Variants in IQGAP3 observed in about 807,000 individuals in gnomAD.
The protein encoded by IQGAP3 is IQ motif containing GTPase activating protein 3.
In IQGAP3, 165 loss-of-function variants were observed where a neutral mutation model predicts 208.2. The ratio of observed to expected loss-of-function variants is 0.79; its 90% confidence interval spans 0.70 to 0.90. The LOEUF (loss-of-function observed/expected upper bound fraction) is 0.90, where lower values mean the gene tolerates loss of function less well. IQGAP3 is among the 40% of genes least tolerant of loss of function. The pLI is 0.00. For missense variants in IQGAP3, 1,811 were observed against 2,043.1 expected (o/e 0.89, Z 2.19); for synonymous variants, 703 against 803.6 (o/e 0.87, Z 2.12).
At chr1:156,530,566 G>C (rs732362) in intron 33 of IQGAP3, among the ~76,000 whole-genome samples, 45,218 of 152,050 alleles carry the variant, frequency 0.3, 8,020 homozygotes, top group East Asian at 0.56. Context: ...TCACCACAGG[G>C]GAAGAGTGGC....
At position 156,563,260 on chromosome 1, in the gene IQGAP3, C is replaced by T. The variant is rs1676242543; in HGVS notation, c.672G>A (p.Glu224=). 5 of 1,611,878 alleles carry T rather than the reference C, an allele frequency of 3.1e-6. No homozygotes were observed. In the South Asian group the frequency reaches 4.4e-5, roughly 14 times the overall value. ...INEAVERGVV[E]DTLAALQNPS... The stretch of plus-strand genomic sequence containing the variant: ...GATTCTGCAAGGCAGCCAGGGTGTC[C>T]TCCACCACCCCTCGCTCCACTGCTT... The change falls in exon 8 of 38, where the codon GAG becomes GAA. Residue 224 remains glutamate, a synonymous_variant. Coordinates refer to ENST00000361170, the MANE Select transcript of IQGAP3 (RefSeq NM_178229.5).
chr1:156,552,876 C>A (rs1384036065), intron 13 of IQGAP3, among the ~76,000 whole-genome samples: 1 of 152,174 alleles, frequency 6.6e-6, no homozygotes, highest in African/African-American at 2.4e-5. Flanking sequence ...GAGTTCAAGA[C>A]CAGCCTGGGC....
intron 32 of IQGAP3, among the ~76,000 whole-genome samples, chr1:156,532,217 T>C (rs1479535281): frequency 6.6e-6 from 1 of 151,496 alleles, no homozygotes; most frequent in Non-Finnish European, 1.5e-5. Context: ...TGAAACCCCA[T>C]CTCTACTAAA....
Position 156,534,648 on chromosome 1 carries a change from C to A in IQGAP3, c.3593G>T (p.Gly1198Val), listed in dbSNP as rs770046394. ...DAFDIVAMAA[G>V]GALAAPQRHA... ...GCGCTGGGGGGCAGCCAGGGCTCCACCAGCTGCCATGGCCACAATGTCGAA... is the reference window on the plus strand; with the variant it reads ...GCGCTGGGGGGCAGCCAGGGCTCCAACAGCTGCCATGGCCACAATGTCGAA... The change falls in exon 29 of 38, where the codon GGT (glycine) becomes GTT (valine). Residue 1198 changes from glycine (G) to valine (V), a missense_variant. Transcript: ENST00000361170. The A allele has an allele frequency of 1.9e-6, 3 of 1,611,960 alleles. No individual in the cohort carries two copies. The highest frequency in any genetic ancestry group is 1.1e-5 in the South Asian group (1 of 90,880).
intron 31 of IQGAP3, among the ~76,000 whole-genome samples, chr1:156,533,329 T>C (rs1452805307): frequency 6.6e-6 from 1 of 152,134 alleles, no homozygotes. Flanking sequence ...CTTGTGTTAC[T>C]GGGGCTGTGC....
chr1:156,540,271 A>G (rs1173379834), intron 23 of IQGAP3, among the ~76,000 whole-genome samples: 1 of 152,144 alleles, frequency 6.6e-6, no homozygotes, highest in Non-Finnish European at 1.5e-5. Flanking sequence ...TCTTCTTATT[A>G]GACTGCTACA....
At chr1:156,567,130 G>T (rs1050895555) in intron 2 of IQGAP3, among the ~76,000 whole-genome samples, 4 of 152,210 alleles carry the variant, frequency 2.6e-5, no homozygotes, top group Admixed American at 6.5e-5. Context: ...GCCTCCCAAA[G>T]TGCTGGGATT....
intron 32 of IQGAP3, among the ~76,000 whole-genome samples, chr1:156,532,243 C>G (rs973406542): frequency 6.6e-6 from 1 of 151,896 alleles, no homozygotes; most frequent in Non-Finnish European, 1.5e-5. Flanking sequence ...AAAAATTGGC[C>G]GGACATGATG....
chr1:156,530,260 C>T lies in IQGAP3; in HGVS notation c.4249G>A (p.Glu1417Lys), dbSNP rs373353178. ...RRQACTAQTPEPLRRHRSLTA... is the reference protein window; with the variant it reads ...RRQACTAQTPKPLRRHRSLTA... Reference sequence around the variant, plus strand: ...AGTGAGCGGTGTCGTCGCAGTGGCTCCGGTGTCTGGGCTGTACAGGCCTGG... The same window carrying T: ...AGTGAGCGGTGTCGTCGCAGTGGCTTCGGTGTCTGGGCTGTACAGGCCTGG... The change falls in exon 34 of 38, where the codon GAG becomes AAG. Residue 1417 changes from glutamate to lysine, a missense_variant. Glu to Lys is a moderately conservative substitution (Grantham distance 56, BLOSUM62 1). Coordinates refer to ENST00000361170, the MANE Select transcript of IQGAP3 (RefSeq NM_178229.5). The T allele has an allele frequency of 6.8e-6, 11 of 1,612,496 alleles. No individual in the cohort carries two copies. The highest frequency in any genetic ancestry group is 1.3e-5 in the African/African-American group (1 of 74,894).
rs1240796002 is a variant in IQGAP3, at chr1:156,552,224, C to T, written c.1449-129G>A. ...CACACTCTTTTAGTTCTCTTCTTGC[C>T]TCACAGGCTATTCTTTCTGAGACAC... On this transcript the variant is annotated intron_variant, in intron 13 of 37. Transcript: ENST00000361170. The T allele has an allele frequency of 3.5e-6, 4 of 1,151,574 alleles. No individual in the cohort carries two copies. In the African/African-American group the frequency reaches 4.7e-5, roughly 14 times the overall value. The allele number at this position is 1,151,574 out of a possible 1,614,324, so 71.3% of individuals were successfully genotyped here. A position where few individuals can be genotyped will look rare whatever the true frequency, so the allele number is the denominator to read the frequency against.
intron 13 of IQGAP3, among the ~76,000 whole-genome samples, chr1:156,553,057 G>C (rs564064003): frequency 2.6e-5 from 4 of 152,258 alleles, no homozygotes; most frequent in South Asian, 2.1e-4. Context: ...CTGGGTGACA[G>C]AGCAAGGCCC....
intron 23 of IQGAP3, 88 bp downstream of exon 23, chr1:156,540,620 A>T: frequency 8.1e-7 from 1 of 1,239,574 alleles, no homozygotes; most frequent in Admixed American, 2.0e-5. Context: ...CATTTTGAAA[A>T]AAATTGATTA....
intron 7 of IQGAP3, 32 bp from the exon 8 acceptor site, chr1:156,563,344 G>T (rs377631738): frequency 4.1e-5 from 63 of 1,555,520 alleles, no homozygotes; most frequent in Non-Finnish European, 4.7e-5. Context: ...AGGTCAGGAG[G>T]CCAGAGTGAA....
intron 10 of IQGAP3, 48 bp from the exon 11 acceptor site, chr1:156,561,069 G>A (rs766998105): frequency 2.1e-6 from 3 of 1,399,962 alleles, no homozygotes; most frequent in Non-Finnish European, 3.0e-6. Flanking sequence ...CCGGGGCCAT[G>A]ACCATGCTTT....
At chr1:156,561,412 C>T (rs1252749960) in intron 10 of IQGAP3, among the ~76,000 whole-genome samples, 2 of 152,168 alleles carry the variant, frequency 1.3e-5, no homozygotes, top group Non-Finnish European at 2.9e-5. Context: ...AGTGATCCAC[C>T]CACATCAGCC....
chr1:156,541,864 C>A (rs1675003005), intron 22 of IQGAP3, among the ~76,000 whole-genome samples: 1 of 152,156 alleles, frequency 6.6e-6, no homozygotes, highest in African/African-American at 2.4e-5. Context: ...TTGCCCAACC[C>A]CACCTGGGGA....
At chr1:156,530,383 G>A in intron 33 of IQGAP3, 66 bp from the exon 34 acceptor site, 4 of 1,393,144 alleles carry the variant, frequency 2.9e-6, no homozygotes, top group Non-Finnish European at 4.0e-6. Flanking sequence ...ACCAGTGAAG[G>A]TCCCATGGGC....
chr1:156,538,888 C>T lies in IQGAP3; in HGVS notation c.3202G>A (p.Val1068Met), dbSNP rs748363516. 20 of 1,614,044 alleles carry T rather than the reference C, an allele frequency of 1.2e-5. No homozygotes were observed. The highest frequency in any genetic ancestry group is 2.2e-5 in the South Asian group (2 of 91,084). ...KVIQDVLEDK[V>M]LSVHTDPVHL... ...ACAGGGTCTGTGTGGACGCTGAGCA[C>T]TTTGTCTTCTAGCACATCCTGGATA... The change falls in exon 26 of 38, where the codon GTG becomes ATG. Residue 1068 changes from valine to methionine, a missense_variant. Coordinates refer to ENST00000361170, the MANE Select transcript of IQGAP3 (RefSeq NM_178229.5).
Position 156,537,176 on chromosome 1 carries a change from C to G in IQGAP3, c.3422+5G>C, listed in dbSNP as rs1262610971. On this transcript the variant is annotated splice_donor_5th_base_variant and intron_variant, in intron 27 of 37. Coordinates refer to ENST00000361170, the MANE Select transcript of IQGAP3 (RefSeq NM_178229.5). Reference sequence around the variant, plus strand: ...CGTAGGCTGGGGTGGGGCTGTTGCACATACGGAATTTGGTCCACAGATGAG... The same window carrying G: ...CGTAGGCTGGGGTGGGGCTGTTGCAGATACGGAATTTGGTCCACAGATGAG... The G allele has an allele frequency of 1.2e-6, 2 of 1,612,228 alleles. No individual in the cohort carries two copies. The highest frequency in any genetic ancestry group is 1.7e-6 in the Non-Finnish European group (2 of 1,179,032).
Sources: gnomAD v4.1 joint callset for allele counts (sites outside exome capture counted in the v4.1 genomes callset) on GRCh38, gnomAD v4.1.1 for gene constraint, MANE v1.5 for transcripts, NCBI Gene and HGNC (gene_info 2026-07-23, HGNC 2026-07-21) for gene names.